The following ADCY7 variants were observed in gnomAD, a reference collection of about 807,000 sequenced individuals.
ADCY7 encodes adenylate cyclase type 7.
A neutral mutation model predicts 120.6 loss-of-function variants in ADCY7; 72 were observed. The ratio of observed to expected loss-of-function variants is 0.60; its 90% CI spans 0.49 to 0.73. ADCY7 has a LOEUF of 0.73. Among genes scored for constraint, ADCY7 ranks in the 30% least tolerant of loss-of-function variants. The pLI is 0.00. For synonymous variants in ADCY7, 661 were observed against 628.0 expected, an observed-to-expected ratio of 1.05 and a Z score of -0.78; for missense variants, 1,227 against 1,486.0, an observed-to-expected ratio of 0.83 and a Z score of 2.87.
Position 50,314,405 on chromosome 16 carries a change from C to G in ADCY7, c.2970C>G (p.Val990=). Residue 990 remains valine (V), a splice_region_variant and synonymous_variant, in exon 24 of 26, where the codon GTC becomes GTG. Coordinates refer to ENST00000673801, the MANE Select transcript of ADCY7 (RefSeq NM_001114.5). ...CCTTCAACTCCTTCCGCCTCCGCGT[C>G]GGTGAGCCCGGGTGATGGAGCGGGG... The part of the protein sequence containing the change: ...RHSFNSFRLR[V]GINHGPVIAG... 1 of 1,612,850 alleles carries G rather than the reference C, an allele frequency of 6.2e-7. No individual in the cohort carries two copies. The highest frequency in any genetic ancestry group is 8.5e-7 in the Non-Finnish European group (1 of 1,179,806).
chr16:50,260,096 C>T (rs1042538833), intron 1 of ADCY7, among the ~76,000 whole-genome samples: 3 of 152,360 alleles, frequency 2.0e-5, no homozygotes, highest in East Asian at 1.9e-4. Context: ...TGAAACCACA[C>T]GGAGTCAGCC....
intron 24 of ADCY7, 74 bp from the exon 25 acceptor site, chr16:50,314,940 T>A: frequency 3.8e-6 from 6 of 1,581,042 alleles, no homozygotes; most frequent in East Asian, 4.5e-5. Context: ...GGGTATGGAT[T>A]CTCTGGCCTC....
At chr16:50,308,199 G>A (rs1450698842) in intron 15 of ADCY7, 128 bp from the exon 16 acceptor site, 5 of 1,531,070 alleles carry the variant, frequency 3.3e-6, no homozygotes, top group Non-Finnish European at 4.5e-6. Flanking sequence ...GTTTTCACAG[G>A]TCCCCTTTGC....
chr16:50,253,119 CCT>C (rs1199532015), intron 1 of ADCY7, among the ~76,000 whole-genome samples: 1 of 152,188 alleles, frequency 6.6e-6, no homozygotes, highest in African/African-American at 2.4e-5. Flanking sequence ...TTCTCTGTCC[CCT>C]GTTGCAGACA....
chr16:50,268,974 C>T (rs561466308), intron 1 of ADCY7, among the ~76,000 whole-genome samples: 3 of 152,304 alleles, frequency 2.0e-5, no homozygotes, highest in South Asian at 4.1e-4. Flanking sequence ...GAGTTGGAGG[C>T]TGTAGTGAGC....
At chr16:50,280,893 A>G (rs919449169) in intron 1 of ADCY7, among the ~76,000 whole-genome samples, 2 of 152,148 alleles carry the variant, frequency 1.3e-5, no homozygotes, top group African/African-American at 4.8e-5. Flanking sequence ...TGGGACTGGA[A>G]TGCAGGTTTC....
chr16:50,303,230 A>G (rs1362107975), intron 10 of ADCY7, among the ~76,000 whole-genome samples: 6 of 152,200 alleles, frequency 3.9e-5, no homozygotes, highest in African/African-American at 1.4e-4. Flanking sequence ...CCACAGGGCC[A>G]GCGCGCTCTT....
At chr16:50,299,100 T>C (rs2035546804) in intron 8 of ADCY7, 69 bp downstream of exon 8, 1 of 1,498,802 alleles carries the variant, frequency 6.7e-7, no homozygotes, top group Non-Finnish European at 8.9e-7. Context: ...TGGTAGGGGA[T>C]GTGTCATTCT....
rs747185023 is a variant in ADCY7 at position 50,309,574 on chromosome 16, G to A, written c.2088G>A (p.Glu696=). 1 of 1,613,890 alleles carries A rather than the reference G, an allele frequency of 6.2e-7. No individual in the cohort carries two copies. Among genetic ancestry groups the A allele is most frequent in the East Asian group, 2.2e-5 (1 of 44,880 alleles). Residue 696 remains glutamate (E), a synonymous_variant, in exon 18 of 26, where the codon GAG becomes GAA. Transcript: ENST00000673801. ...NLPLMPFQVP[E]LPVGNETGLL... is the part of the protein sequence containing the mutation. ...CCCTGATGCCTTTCCAAGTTCCAGA[G>A]CTGCCTGTTGGCAATGAGACAGGCC...
intron 1 of ADCY7, among the ~76,000 whole-genome samples, chr16:50,258,234 T>A (rs1273461171): frequency 6.6e-6 from 1 of 152,110 alleles, no homozygotes; most frequent in Non-Finnish European, 1.5e-5. Context: ...AGCCCCTGTC[T>A]CTTTAAAAAA....
At chr16:50,280,641 T>C (rs1429430013) in intron 1 of ADCY7, among the ~76,000 whole-genome samples, 1 of 152,214 alleles carries the variant, frequency 6.6e-6, no homozygotes, top group African/African-American at 2.4e-5. Flanking sequence ...AGAACAACTT[T>C]CTACCCATCC....
intron 1 of ADCY7, among the ~76,000 whole-genome samples, chr16:50,280,398 G>C (rs2034185940): frequency 6.7e-6 from 1 of 149,684 alleles, no homozygotes; most frequent in African/African-American, 2.5e-5. Context: ...ACAACTCCTG[G>C]ATTCGTTGAT....
intron 19 of ADCY7, among the ~76,000 whole-genome samples, 198 bp downstream of exon 19, chr16:50,311,078 C>G (rs865808186): frequency 1.3e-5 from 2 of 152,122 alleles, no homozygotes; most frequent in African/African-American, 2.4e-5. Context: ...CAGAGGCCAC[C>G]GGGTCATCCT....
In ADCY7 at chr16:50,293,377, TCCGG is replaced by T; in HGVS notation, c.714_717del (p.Ala239ThrfsTer6). 1 of 1,613,574 alleles carries T rather than the reference TCCGG, an allele frequency of 6.2e-7. No homozygotes were observed. The highest frequency in any genetic ancestry group is 8.5e-7 in the Non-Finnish European group (1 of 1,179,718). On this transcript the variant is annotated frameshift_variant, in exon 6 of 26. Transcript: ENST00000673801. LOFTEE classifies it high-confidence loss of function. Reference sequence around the variant, plus strand: ...AGGAGAACCTGCTGCTGTCAGTGCTTCCGGCCCACATCTCCATGGGCATGAAGCT... The same window carrying T: ...AGGAGAACCTGCTGCTGTCAGTGCTTCCCACATCTCCATGGGCATGAAGCT...
Position 50,311,782 on chromosome 16 carries a change from G to A in ADCY7, c.2444G>A (p.Arg815Lys), listed in dbSNP as rs1235667863. 9.0e-7 allele frequency: 1 copy of A among 1,105,944 alleles called. No individual in the cohort carries two copies. The highest frequency in any genetic ancestry group is 1.3e-6 in the Non-Finnish European group (1 of 783,548). The allele number at this position is 1,105,944 out of a possible 1,614,324, so 68.5% of individuals were successfully genotyped here. Reference protein sequence around the residue: ...LFYITLLTLSRQIDYYCRLDC... With the variant: ...LFYITLLTLSKQIDYYCRLDC... The stretch of plus-strand genomic sequence containing the variant: ...TACATCACCCTGCTTACACTCTCCA[G>A]ACAGGTAAGGAGGCTGGCCCCCCCC... Residue 815 changes from arginine (R) to lysine (K), a missense_variant, in exon 20 of 26, where the codon AGA becomes AAA. Transcript: ENST00000673801.
At chr16:50,283,270 G>A (rs79022074) in intron 1 of ADCY7, among the ~76,000 whole-genome samples, 2,911 of 152,302 alleles carry the variant, frequency 0.019, 34 homozygotes, top group South Asian at 0.046. Flanking sequence ...TAGAGGTTGC[G>A]TAAGCTTCAG....
At position 50,300,765 on chromosome 16, in the gene ADCY7, A is replaced by G; in HGVS notation, c.1127A>G (p.His376Arg). 2 of 1,552,664 alleles carry G rather than the reference A, an allele frequency of 1.3e-6. No homozygotes were observed. The highest frequency in any genetic ancestry group is 1.7e-6 in the Non-Finnish European group (2 of 1,147,544). The change falls in exon 9 of 26, where the codon CAC becomes CGC. Residue 376 changes from histidine to arginine, a missense_variant. His to Arg is a conservative substitution (Grantham distance 29, BLOSUM62 0). This residue lies in a region of ADCY7 where 332 missense variants were observed against 455.8 expected (regional missense o/e 0.73). Transcript: ENST00000673801. ...GACATCAACATGCGTGTGGGCATACACTCGGGGAATGTGCTGTGCGGGGTC... is the reference window on the plus strand; with the variant it reads ...GACATCAACATGCGTGTGGGCATACGCTCGGGGAATGTGCTGTGCGGGGTC... ...GVDINMRVGI[H>R]SGNVLCGVIG...
At chr16:50,298,808 G>A in intron 7 of ADCY7, 96 bp from the exon 8 acceptor site, 4 of 1,509,834 alleles carry the variant, frequency 2.6e-6, no homozygotes, top group East Asian at 2.3e-5. Flanking sequence ...AGCCAGGAGA[G>A]AGCCGGGTGC....
rs1227005544 is a variant in ADCY7 at position 50,317,621 on chromosome 16, A to ATAGTT, written c.*2118_*2122dup. On this transcript the variant is annotated 3_prime_UTR_variant, in exon 26 of 26. Transcript: ENST00000673801. The stretch of plus-strand genomic sequence containing the variant: ...AGCACTGTGCTGTGCTCAGATAATA[A>ATAGTT]TAGTTTGTAAGTAAAAGTTTTTAGT... 2.6e-5 allele frequency: 4 copies of ATAGTT among 152,510 alleles called. No individual in the cohort carries two copies. Among genetic ancestry groups the ATAGTT allele is most frequent in the South Asian group, 4.1e-4 (2 of 4,832 alleles). The allele number at this position is 152,510 out of a possible 1,614,324, so 9.4% of individuals were successfully genotyped here.
Sources: allele counts gnomAD v4.1 joint callset (sites outside exome capture counted in the v4.1 genomes callset), GRCh38; gene constraint gnomAD v4.1.1; regional missense constraint gnomAD v4.1.1; transcripts MANE v1.5; gene names NCBI Gene and HGNC (gene_info 2026-07-23, HGNC 2026-07-21).